Variants in NPAS3 observed in about 807,000 individuals in gnomAD.
NPAS3 encodes neuronal PAS domain protein 3.
A neutral mutation model predicts 73.1 loss-of-function variants in NPAS3; 14 were observed. That is an observed-to-expected ratio of 0.19 (90% confidence interval 0.13 to 0.30). The LOEUF (loss-of-function observed/expected upper bound fraction) is 0.30. Ranked by LOEUF, NPAS3 falls within the 10% of genes least tolerant of loss-of-function variation. NPAS3 has a pLI of 1.00. For missense variants in NPAS3, 1,096 were observed against 1,250.0 expected (o/e 0.88, Z 1.86); for synonymous variants, 620 against 541.5 (o/e 1.14, Z -2.01).
At chr14:33,591,309 A>G (rs1200305024) in intron 5 of NPAS3, among the ~76,000 whole-genome samples, 1 of 152,130 alleles carries the variant, frequency 6.6e-6, no homozygotes, top group Non-Finnish European at 1.5e-5. Flanking sequence ...AATGTCCATC[A>G]TGACTCCTTG....
intron 4 of NPAS3, among the ~76,000 whole-genome samples, chr14:33,486,857 G>A (rs1417564090): frequency 1.3e-5 from 2 of 152,178 alleles, no homozygotes; most frequent in African/African-American, 4.8e-5. Flanking sequence ...TCACTAAAAT[G>A]AATAGAGACA....
chr14:33,690,458 A>G (rs1362144985), intron 6 of NPAS3, among the ~76,000 whole-genome samples: 1 of 152,164 alleles, frequency 6.6e-6, no homozygotes, highest in African/African-American at 2.4e-5. Context: ...GCCAACCTGG[A>G]CAAAATTCAA....
At chr14:33,193,356 T>G (rs2046238109) in intron 2 of NPAS3, among the ~76,000 whole-genome samples, 1 of 151,714 alleles carries the variant, frequency 6.6e-6, no homozygotes, top group Non-Finnish European at 1.5e-5. Context: ...CATAGGGGAG[T>G]CAATATTGAA....
chr14:33,312,652 T>C (rs10047936), intron 3 of NPAS3, among the ~76,000 whole-genome samples: 36,031 of 151,940 alleles, frequency 0.24, 4,433 homozygotes, highest in Middle Eastern at 0.26. Context: ...TGGAATAAGT[T>C]GACAGGTATA....
chr14:33,620,173 A>C (rs1011703302), intron 5 of NPAS3, among the ~76,000 whole-genome samples: 6 of 152,188 alleles, frequency 3.9e-5, no homozygotes, highest in African/African-American at 7.2e-5. Context: ...GTTTATGCGC[A>C]CCGACGAGAA....
chr14:33,398,306 A>G (rs1033403888), intron 4 of NPAS3, among the ~76,000 whole-genome samples: 17 of 151,928 alleles, frequency 1.1e-4, no homozygotes, highest in African/African-American at 3.6e-4. Context: ...CCCTTCTGCT[A>G]TTGGGAAGAT....
At chr14:33,316,991 C>T (rs556933443) in intron 3 of NPAS3, among the ~76,000 whole-genome samples, 20 of 152,144 alleles carry the variant, frequency 1.3e-4, no homozygotes, top group Admixed American at 9.2e-4. Flanking sequence ...TTCTAAAATT[C>T]TGTAATTTCG....
intron 2 of NPAS3, among the ~76,000 whole-genome samples, chr14:33,109,107 T>C (rs2042811616): frequency 6.6e-6 from 1 of 152,176 alleles, no homozygotes; most frequent in Admixed American, 6.6e-5. Flanking sequence ...TTTTGAAATG[T>C]AGTGGAACAT....
chr14:33,247,893 G>A (rs1349496499), intron 3 of NPAS3, among the ~76,000 whole-genome samples: 1 of 152,146 alleles, frequency 6.6e-6, no homozygotes, highest in Non-Finnish European at 1.5e-5. Flanking sequence ...ATTCATTATA[G>A]ACCTGGAAAG....
chr14:33,254,684 A>G (rs1268261889), intron 3 of NPAS3, among the ~76,000 whole-genome samples: 2 of 152,182 alleles, frequency 1.3e-5, no homozygotes, highest in African/African-American at 4.8e-5. Flanking sequence ...TACAATAGCT[A>G]TGAAAAATAC....
intron 2 of NPAS3, among the ~76,000 whole-genome samples, chr14:33,159,158 A>G (rs1245494147): frequency 1.3e-5 from 2 of 152,166 alleles, no homozygotes. Flanking sequence ...GAGAGACTCC[A>G]TCTCAAAAAA....
intron 4 of NPAS3, among the ~76,000 whole-genome samples, chr14:33,485,068 G>GAGGT (rs2051517679): frequency 6.6e-6 from 1 of 152,276 alleles, no homozygotes; most frequent in East Asian, 1.9e-4. Context: ...TACCTTTGGA[G>GAGGT]AGGTAGGTAG....
chr14:33,367,307 T>C (rs1393367499), intron 4 of NPAS3, 39 bp downstream of exon 4: 1 of 812,820 alleles, frequency 1.2e-6, no homozygotes, highest in East Asian at 2.5e-5. Context: ...TATATTTTAC[T>C]AAGAAAAAAC....
chr14:33,060,581 A>G (rs556382551), intron 2 of NPAS3, among the ~76,000 whole-genome samples: 1 of 152,332 alleles, frequency 6.6e-6, no homozygotes, highest in East Asian at 1.9e-4. Flanking sequence ...GTCTTTGTTT[A>G]GCTGTCTTTT....
intron 2 of NPAS3, among the ~76,000 whole-genome samples, chr14:33,203,429 G>A (rs764662311): frequency 1.2e-4 from 18 of 152,028 alleles, no homozygotes; most frequent in African/African-American, 2.9e-4. Flanking sequence ...ACATTAACTC[G>A]TCATTTACAT....
At chr14:33,120,008 CTTTGT>C (rs2043183210) in intron 2 of NPAS3, among the ~76,000 whole-genome samples, 1 of 131,912 alleles carries the variant, frequency 7.6e-6, no homozygotes, top group African/African-American at 2.8e-5. Context: ...CTTTCAGATA[CTTTGT>C]TTTTTTTTTG....
At chr14:33,133,655 C>A (rs963956425) in intron 2 of NPAS3, among the ~76,000 whole-genome samples, 1 of 152,090 alleles carries the variant, frequency 6.6e-6, no homozygotes, top group Admixed American at 6.6e-5. Context: ...TAAACTTGTC[C>A]GTAGTTTGTA....
intron 5 of NPAS3, among the ~76,000 whole-genome samples, chr14:33,621,661 G>A (rs1041139365): frequency 2.0e-5 from 3 of 152,136 alleles, no homozygotes; most frequent in African/African-American, 4.8e-5. Flanking sequence ...TGTAGATTAC[G>A]TCAAAGTGAG....
chr14:33,207,726 AC>A (rs1350597277), intron 2 of NPAS3, among the ~76,000 whole-genome samples: 2 of 152,202 alleles, frequency 1.3e-5, no homozygotes, highest in African/African-American at 4.8e-5. Flanking sequence ...GATAGCATTT[AC>A]TATAATGAAG....
Sources: allele counts gnomAD v4.1 joint callset (sites outside exome capture counted in the v4.1 genomes callset), GRCh38; gene constraint gnomAD v4.1.1; transcripts MANE v1.5; gene names NCBI Gene and HGNC (gene_info 2026-07-23, HGNC 2026-07-21).